EXOC4: variants seen among roughly 807,000 people sequenced by gnomAD.
The protein encoded by EXOC4 is SEC8-like 1.
Under a neutral mutation model 107.2 loss-of-function variants are expected in EXOC4, and 71 were observed. The ratio of observed to expected loss-of-function variants is 0.66; its 90% CI spans 0.55 to 0.81. EXOC4 has a LOEUF of 0.81. Ranked by LOEUF, EXOC4 falls within the 30% of genes least tolerant of loss-of-function variation. The pLI is 0.00. For missense variants in EXOC4, 1,108 were observed against 1,189.6 expected (o/e 0.93, Z 1.01); for synonymous variants, 456 against 441.2 (o/e 1.03, Z -0.42).
At chr7:133,740,839 AC>A (rs969387533) in intron 10 of EXOC4, among the ~76,000 whole-genome samples, 1 of 152,160 alleles carries the variant, frequency 6.6e-6, no homozygotes, top group Non-Finnish European at 1.5e-5. Context: ...GGGAATGATG[AC>A]CCTGTTCGAT....
At chr7:133,626,311 A>C (rs1438557605) in intron 9 of EXOC4, among the ~76,000 whole-genome samples, 1 of 152,196 alleles carries the variant, frequency 6.6e-6, no homozygotes, top group African/African-American at 2.4e-5. Flanking sequence ...GAAATGCTGA[A>C]GTAGATTTCC....
chr7:133,303,993 G>A (rs1041365681), intron 3 of EXOC4, among the ~76,000 whole-genome samples: 1 of 152,196 alleles, frequency 6.6e-6, no homozygotes, highest in African/African-American at 2.4e-5. Flanking sequence ...AGGTGACTTT[G>A]AAAGTTGACA....
At chr7:133,299,649 G>A (rs916245988) in intron 3 of EXOC4, among the ~76,000 whole-genome samples, 1 of 152,110 alleles carries the variant, frequency 6.6e-6, no homozygotes, top group Non-Finnish European at 1.5e-5. Flanking sequence ...TTTATTTTCC[G>A]AGATAGATCT....
intron 10 of EXOC4, among the ~76,000 whole-genome samples, chr7:133,798,428 T>C (rs1585153147): frequency 1.8e-4 from 1 of 5,620 alleles, no homozygotes; most frequent in African/African-American, 3.4e-4. Flanking sequence ...TCTTGGCATA[T>C]TTACAAAGAA....
chr7:133,665,188 T>A (rs1793784497), intron 10 of EXOC4, among the ~76,000 whole-genome samples: 1 of 152,200 alleles, frequency 6.6e-6, no homozygotes, highest in South Asian at 2.1e-4. Flanking sequence ...TTTCTTCCAC[T>A]TTCCATGCAT....
rs1250813400 is a variant in EXOC4, at chr7:133,894,600, G to T, written c.1735-999G>T. On this transcript the variant is annotated intron_variant, in intron 11 of 17. Coordinates refer to ENST00000253861, the MANE Select transcript of EXOC4 (RefSeq NM_021807.4). ...CTTTCATGATGGTGATGTACAGATG[G>T]GTTTTTGGTGTGGATGTCCTTTCTG... 1.0e-4 allele frequency among the ~76,000 whole-genome samples: 9 copies of T among 85,966 alleles called. 1 individual carries two copies. Among genetic ancestry groups the T allele is most frequent in the Non-Finnish European group, 1.9e-4 (9 of 48,356 alleles). 56.4% of individuals were successfully genotyped at this position (85,966 alleles called of 152,430 possible).
intron 17 of EXOC4, among the ~76,000 whole-genome samples, chr7:134,022,790 A>G (rs546426191): frequency 5.6e-4 from 85 of 152,294 alleles, no homozygotes; most frequent in Non-Finnish European, 1.0e-3. Context: ...TCACACATCA[A>G]TTTCCTTCTG....
intron 11 of EXOC4, among the ~76,000 whole-genome samples, chr7:133,855,607 A>G (rs565931618): frequency 4.6e-5 from 7 of 152,072 alleles, no homozygotes; most frequent in African/African-American, 1.2e-4. Context: ...ACTGTTAACC[A>G]TAATAGAATG....
At chr7:133,669,808 G>C (rs1224187042) in intron 10 of EXOC4, among the ~76,000 whole-genome samples, 5 of 152,192 alleles carry the variant, frequency 3.3e-5, no homozygotes, top group African/African-American at 1.2e-4. Context: ...GGCGTCAGGA[G>C]ACAACATTCC....
chr7:133,306,050 A>G lies in EXOC4; in HGVS notation c.645A>G (p.Lys215=), dbSNP rs1794747362. 1 of 1,609,350 alleles carries G rather than the reference A, an allele frequency of 6.2e-7. No individual in the cohort carries two copies. Among genetic ancestry groups the G allele is most frequent in the South Asian group, 1.1e-5 (1 of 90,240 alleles). ...TSRVVQRNKE[K]GKISSLVKDA... ...GAGTTGTGCAGCGTAACAAGGAAAAAGGGAAAATCAGGTTAAAGAGGCTCT... is the reference window on the plus strand; with the variant it reads ...GAGTTGTGCAGCGTAACAAGGAAAAGGGGAAAATCAGGTTAAAGAGGCTCT... The change falls in exon 4 of 18, where the codon AAA becomes AAG. Residue 215 remains lysine (K), a synonymous_variant. Transcript: ENST00000253861.
intron 12 of EXOC4, among the ~76,000 whole-genome samples, chr7:133,904,003 G>A (rs1361898453): frequency 6.6e-6 from 1 of 152,152 alleles, no homozygotes; most frequent in African/African-American, 2.4e-5. Flanking sequence ...TGGAGTAGTA[G>A]GGATGAAAAC....
chr7:133,400,519 C>T (rs1178102277), intron 7 of EXOC4, among the ~76,000 whole-genome samples: 1 of 152,108 alleles, frequency 6.6e-6, no homozygotes, highest in African/African-American at 2.4e-5. Flanking sequence ...AGTGTTGTCT[C>T]CTTTATTTTT....
In EXOC4 at chr7:133,960,701, A is replaced by G. The variant is rs567838363; in HGVS notation, c.2206+22632A>G. On this transcript the variant is annotated intron_variant, in intron 14 of 17. Coordinates refer to ENST00000253861, the MANE Select transcript of EXOC4 (RefSeq NM_021807.4). The stretch of plus-strand genomic sequence containing the variant: ...GATCATGGCGGGTTATCTTTCTGAT[A>G]TGTTATTGGATTCGGTTAGCTAGTA... Among the ~76,000 whole-genome samples the G allele has an allele frequency of 3.3e-5, 5 of 152,258 alleles. No homozygotes were observed. The South Asian group carries it at 6.2e-4, about 19-fold the overall frequency.
intron 14 of EXOC4, among the ~76,000 whole-genome samples, chr7:133,956,933 C>A (rs1563071045): frequency 6.6e-6 from 1 of 151,830 alleles, no homozygotes; most frequent in Non-Finnish European, 1.5e-5. Context: ...AGCATGTTTT[C>A]TATGCATTTC....
At chr7:133,457,365 TTG>T (rs1798486918) in intron 7 of EXOC4, among the ~76,000 whole-genome samples, 1 of 152,174 alleles carries the variant, frequency 6.6e-6, no homozygotes, top group African/African-American at 2.4e-5. Flanking sequence ...TGAGACATTT[TTG>T]TACTGAGAAA....
chr7:133,367,648 C>T (rs977920763), intron 6 of EXOC4, among the ~76,000 whole-genome samples: 1 of 152,084 alleles, frequency 6.6e-6, no homozygotes, highest in Admixed American at 6.6e-5. Context: ...TTCTAACGCC[C>T]CTAAAAAGGG....
chr7:133,718,236 G>C (rs78106441), intron 10 of EXOC4, among the ~76,000 whole-genome samples: 3,247 of 152,252 alleles, frequency 0.021, 103 homozygotes, highest in African/African-American at 0.071. Flanking sequence ...CTGTGGGTTT[G>C]AGTTTCCCTG....
At chr7:133,857,148 GTATATATATA>G (rs60382657) in intron 11 of EXOC4, among the ~76,000 whole-genome samples, 12 of 20,716 alleles carry the variant, frequency 5.8e-4, no homozygotes, top group Non-Finnish European at 6.5e-4. Flanking sequence ...ACACATACAC[GTATATATATA>G]TATATATATA....
chr7:134,045,109 A>C (rs957396948), intron 17 of EXOC4, among the ~76,000 whole-genome samples: 5 of 152,216 alleles, frequency 3.3e-5, no homozygotes, highest in African/African-American at 9.6e-5. Context: ...GTATATAGTA[A>C]GTGTTAAATG....
Sources: allele counts gnomAD v4.1 joint callset (sites outside exome capture counted in the v4.1 genomes callset), GRCh38; gene constraint gnomAD v4.1.1; transcripts MANE v1.5; gene names NCBI Gene and HGNC (gene_info 2026-07-23, HGNC 2026-07-21).